The following SLC10A1 variants were observed in gnomAD, a reference collection of about 807,000 sequenced individuals.
SLC10A1 encodes the protein hepatic sodium/bile acid cotransporter.
SLC10A1 carries 36 observed loss-of-function variants against 20.5 expected under a neutral mutation model. The observed-to-expected ratio is 1.75, with a 90% CI of 1.34 to 2.32. The LOEUF (loss-of-function observed/expected upper bound fraction) is 2.32, where lower values mean the gene tolerates loss of function less well. SLC10A1 is among the 30% of genes most tolerant of loss of function. The pLI is 0.00. For missense variants in SLC10A1, 545 were observed against 439.1 expected (o/e 1.24, Z -2.16); for synonymous variants, 188 against 163.6 (o/e 1.15, Z -1.14).
At chr14:69,781,791 AC>A (rs1397513576) in intron 2 of SLC10A1, among the ~76,000 whole-genome samples, 1 of 152,222 alleles carries the variant, frequency 6.6e-6, no homozygotes, top group East Asian at 1.9e-4. Flanking sequence ...GTTAAAAATT[AC>A]TTGAATTGCC....
intron 1 of SLC10A1, among the ~76,000 whole-genome samples, chr14:69,793,097 C>G (rs1882311691): frequency 6.6e-6 from 1 of 152,126 alleles, no homozygotes; most frequent in Non-Finnish European, 1.5e-5. Flanking sequence ...AAGCCAAACA[C>G]AACTTGTGTG....
chr14:69,779,041 G>T lies in SLC10A1; in HGVS notation c.746+141C>A, dbSNP rs1346325231. On this transcript the variant is annotated intron_variant, in intron 3 of 4. Transcript: ENST00000216540. ...CTGGTCATGGTGGCTTGTGCCTATA[G>T]TCCCAGTTACTTGGGGGGCTGAGGC... The T allele has an allele frequency of 1.6e-5, 10 of 619,890 alleles. No homozygotes were observed. The East Asian group carries it at 2.8e-4, about 17-fold the overall frequency. The allele number at this position is 619,890 out of a possible 1,614,324, so 38.4% of individuals were successfully genotyped here.
At chr14:69,783,470 C>CT (rs1399443012) in intron 2 of SLC10A1, among the ~76,000 whole-genome samples, 1 of 152,008 alleles carries the variant, frequency 6.6e-6, no homozygotes, top group Non-Finnish European at 1.5e-5. Flanking sequence ...TGTGTTGAGA[C>CT]TTAAAGGATG....
chr14:69,788,257 A>C (rs1242298394), intron 1 of SLC10A1, among the ~76,000 whole-genome samples: 2 of 152,154 alleles, frequency 1.3e-5, no homozygotes, highest in African/African-American at 4.8e-5. Context: ...GAACTTTCTA[A>C]TTATATCATC....
Position 69,787,435 on chromosome 14 carries a change from G to A in SLC10A1, c.357-1128C>T, listed in dbSNP as rs114711084. ...GTGGGAAGATGGTTGGGAGGTGAGG[G>A]CTTGGCAAGATCTTAGGAAAACCAC... On this transcript the variant is annotated intron_variant, in intron 1 of 4. Transcript: ENST00000216540. Among the ~76,000 whole-genome samples, 1,297 of 152,130 alleles carry A rather than the reference G, an allele frequency of 8.5e-3. 15 individuals are homozygous for A. Among genetic ancestry groups the A allele is most frequent in the African/African-American group, 0.028 (1,162 of 41,488 alleles).
intron 2 of SLC10A1, among the ~76,000 whole-genome samples, chr14:69,782,412 G>C (rs1224028910): frequency 6.6e-6 from 1 of 152,180 alleles, no homozygotes; most frequent in Non-Finnish European, 1.5e-5. Context: ...AAATAATCCT[G>C]GCTCTGCCAA....
At chr14:69,782,877 T>C (rs536989182) in intron 2 of SLC10A1, among the ~76,000 whole-genome samples, 1 of 151,810 alleles carries the variant, frequency 6.6e-6, no homozygotes, top group East Asian at 1.9e-4. Context: ...TTAAAGCTAC[T>C]CTGAGGTAGA....
chr14:69,776,562 C>T (rs1883453279), intron 4 of SLC10A1, among the ~76,000 whole-genome samples, 174 bp from the exon 5 acceptor site: 1 of 152,224 alleles, frequency 6.6e-6, no homozygotes, highest in African/African-American at 2.4e-5. Flanking sequence ...ACTTTCCCCT[C>T]AGTCTCCCTA....
At chr14:69,791,563 G>A (rs940295371) in intron 1 of SLC10A1, among the ~76,000 whole-genome samples, 1 of 152,218 alleles carries the variant, frequency 6.6e-6, no homozygotes, top group Admixed American at 6.5e-5. Flanking sequence ...ACCTCCCAAA[G>A]TGCTGGGATT....
chr14:69,776,570 C>G (rs937989913), intron 4 of SLC10A1, among the ~76,000 whole-genome samples, 182 bp from the exon 5 acceptor site: 2 of 152,166 alleles, frequency 1.3e-5, no homozygotes, highest in Non-Finnish European at 2.9e-5. Context: ...CTCAGTCTCC[C>G]TAATGGTAGT....
chr14:69,790,175 T>C (rs1020421984), intron 1 of SLC10A1, among the ~76,000 whole-genome samples: 14 of 152,142 alleles, frequency 9.2e-5, no homozygotes, highest in Non-Finnish European at 1.9e-4. Context: ...CTTAGAATCA[T>C]TTAAGACATT....
At chr14:69,777,590 T>TC (rs1566633946) in intron 4 of SLC10A1, among the ~76,000 whole-genome samples, 1 of 95,506 alleles carries the variant, frequency 1.0e-5, no homozygotes, top group Non-Finnish European at 2.0e-5. Context: ...TTTTTTTTTT[T>TC]TTTTTTTTTT....
In SLC10A1 at chr14:69,776,371, A is replaced by G. The variant is rs201989635; in HGVS notation, c.961T>C (p.Tyr321His). Reference sequence around the variant, plus strand: ...GTTTCTTCAGTTGTGGCAGCTGTGTAGATCATTTTTGTTTTATCTGTAAAG... The same window carrying G: ...GTTTCTTCAGTTGTGGCAGCTGTGTGGATCATTTTTGTTTTATCTGTAAAG... Reference protein sequence around the residue: ...KTPKDKTKMIYTAATTEETIP... With the variant: ...KTPKDKTKMIHTAATTEETIP... Residue 321 changes from tyrosine (Y) to histidine (H), a missense_variant, in exon 5 of 5, where the codon TAC becomes CAC. Tyr to His is a moderately conservative substitution (Grantham distance 83, BLOSUM62 2). Transcript: ENST00000216540. 41 of 1,613,832 alleles carry G rather than the reference A, an allele frequency of 2.5e-5. No homozygotes were observed. The highest frequency in any genetic ancestry group is 3.3e-4 in the Middle Eastern group (2 of 5,980).
At chr14:69,782,431 T>C (rs1339345468) in intron 2 of SLC10A1, among the ~76,000 whole-genome samples, 2 of 152,188 alleles carry the variant, frequency 1.3e-5, no homozygotes, top group African/African-American at 2.4e-5. Flanking sequence ...AAGTAACTTT[T>C]CCGGGCCTCG....
intron 1 of SLC10A1, among the ~76,000 whole-genome samples, chr14:69,794,224 A>G (rs905449658): frequency 7.2e-5 from 11 of 152,236 alleles, no homozygotes; most frequent in Admixed American, 6.5e-4. Flanking sequence ...CACATTTAAA[A>G]AAATGGAATG....
At chr14:69,788,475 G>C (rs1470829794) in intron 1 of SLC10A1, among the ~76,000 whole-genome samples, 2 of 151,610 alleles carry the variant, frequency 1.3e-5, no homozygotes, top group Non-Finnish European at 2.9e-5. Flanking sequence ...AAGCCAACAA[G>C]AGAATGGGAG....
chr14:69,778,596 C>T (rs1368306885), intron 3 of SLC10A1, 67 bp from the exon 4 acceptor site: 1 of 1,380,076 alleles, frequency 7.2e-7, no homozygotes, highest in Non-Finnish European at 9.8e-7. Context: ...TGTCCCAGTG[C>T]TGCTACCAAA....
chr14:69,782,998 A>T (rs1311156975), intron 2 of SLC10A1, among the ~76,000 whole-genome samples: 1 of 152,200 alleles, frequency 6.6e-6, no homozygotes, highest in Non-Finnish European at 1.5e-5. Flanking sequence ...AAATGATAGC[A>T]GTGGTCACTT....
intron 4 of SLC10A1, 136 bp downstream of exon 4, chr14:69,778,197 T>TG (rs1883493952): frequency 4.7e-6 from 3 of 643,822 alleles, no homozygotes; most frequent in Non-Finnish European, 5.3e-6. Context: ...GGGTGCTTCT[T>TG]GGGGCTACCT....
Sources: allele counts gnomAD v4.1 joint callset (sites outside exome capture counted in the v4.1 genomes callset), GRCh38; gene constraint gnomAD v4.1.1; transcripts MANE v1.5; gene names NCBI Gene and HGNC (gene_info 2026-07-23, HGNC 2026-07-21).